The following MAD1L1 variants were observed in gnomAD, a reference collection of about 807,000 sequenced individuals.
MAD1L1 encodes mitotic arrest deficient 1 like 1.
MAD1L1 carries 95 observed loss-of-function variants against 96.9 expected under a neutral mutation model. The observed-to-expected ratio is 0.98, with a 90% confidence interval of 0.83 to 1.16. The LOEUF (loss-of-function observed/expected upper bound fraction) is 1.16, where lower values mean the gene tolerates loss of function less well. Among genes scored for constraint, MAD1L1 ranks in the 50% most tolerant of loss-of-function variants. The probability of loss-of-function intolerance (pLI) is 0.00; values close to 1 mark genes in which losing one functional copy is unlikely to be tolerated. For synonymous variants in MAD1L1, 473 were observed against 396.6 expected, an observed-to-expected ratio of 1.19 and a Z score of -2.29; for missense variants, 1,007 against 954.4, an observed-to-expected ratio of 1.06 and a Z score of -0.73.
intron 16 of MAD1L1, among the ~76,000 whole-genome samples, chr7:1,941,543 C>A (rs939162769): frequency 3.9e-5 from 6 of 152,214 alleles, no homozygotes; most frequent in African/African-American, 1.4e-4. Context: ...GCTGGCCCCG[C>A]TGGGGGCGAA....
At chr7:2,110,063 G>A (rs17132185) in intron 11 of MAD1L1, among the ~76,000 whole-genome samples, 3,024 of 152,354 alleles carry the variant, frequency 0.02, 96 homozygotes, top group African/African-American at 0.068. Flanking sequence ...AGGAGGCTCC[G>A]GCTCAAAGCA....
At chr7:1,874,837 G>C (rs1037331025) in intron 18 of MAD1L1, among the ~76,000 whole-genome samples, 5 of 152,036 alleles carry the variant, frequency 3.3e-5, no homozygotes, top group Non-Finnish European at 7.4e-5. Flanking sequence ...TAGGGAGGAG[G>C]GGAAGGCAGG....
At chr7:2,126,577 G>T (rs762806729) in intron 11 of MAD1L1, among the ~76,000 whole-genome samples, 23 of 152,202 alleles carry the variant, frequency 1.5e-4, no homozygotes, top group Non-Finnish European at 3.1e-4. Flanking sequence ...AATCGACACA[G>T]GCCGATGCCG....
intron 10 of MAD1L1, among the ~76,000 whole-genome samples, chr7:2,168,444 A>C (rs745734808): frequency 1.3e-5 from 2 of 152,220 alleles, no homozygotes; most frequent in Non-Finnish European, 2.9e-5. Flanking sequence ...CAATAAAGGG[A>C]GAGAAAAGGC....
At chr7:2,230,351 C>A in intron 2 of MAD1L1, 198 bp downstream of exon 2, 2 of 492,278 alleles carry the variant, frequency 4.1e-6, no homozygotes, top group Non-Finnish European at 7.4e-6. Flanking sequence ...AAGCATGCCA[C>A]CAAATCCCCA....
intron 10 of MAD1L1, among the ~76,000 whole-genome samples, chr7:2,199,470 G>A (rs575455338): frequency 3.9e-5 from 6 of 152,216 alleles, no homozygotes; most frequent in Admixed American, 1.3e-4. Context: ...CCCTGCACGC[G>A]GCAAACCGCT....
chr7:2,210,354 A>G (rs1357080408), intron 10 of MAD1L1, among the ~76,000 whole-genome samples: 1 of 152,160 alleles, frequency 6.6e-6, no homozygotes, highest in African/African-American at 2.4e-5. Flanking sequence ...TACAGGTGTG[A>G]GCCACTGTGC....
At chr7:1,948,930 G>A (rs1302691859) in intron 16 of MAD1L1, among the ~76,000 whole-genome samples, 1 of 152,208 alleles carries the variant, frequency 6.6e-6, no homozygotes, top group Non-Finnish European at 1.5e-5. Context: ...GCATAGCTCT[G>A]GAGGGAGACC....
rs1242038886 is a variant in MAD1L1 at position 2,217,949 on chromosome 7, G to A, written c.678+13C>T. On this transcript the variant is annotated intron_variant, in intron 7 of 18. Transcript: ENST00000265854. ...CAGGGATGTCCACAAGGCACTGACA[G>A]GGAGTGACTCACCTTAATCTGCTGC... is the stretch of plus-strand genomic sequence containing the variant. 3.7e-6 allele frequency: 6 copies of A among 1,609,044 alleles called. No homozygotes were observed. In the South Asian group the frequency reaches 5.5e-5, roughly 15 times the overall value.
intron 10 of MAD1L1, among the ~76,000 whole-genome samples, chr7:2,172,959 A>G (rs1332053193): frequency 6.6e-6 from 1 of 152,248 alleles, no homozygotes; most frequent in Non-Finnish European, 1.5e-5. Context: ...CCTCTGGCTG[A>G]GACTACAGCA....
At chr7:2,053,710 G>A (rs1159613162) in intron 12 of MAD1L1, among the ~76,000 whole-genome samples, 1 of 152,160 alleles carries the variant, frequency 6.6e-6, no homozygotes, top group Admixed American at 6.5e-5. Flanking sequence ...GCCCCTGGGT[G>A]AAGCCAGGGA....
At chr7:2,158,199 A>G (rs1789932519) in intron 10 of MAD1L1, among the ~76,000 whole-genome samples, 1 of 152,254 alleles carries the variant, frequency 6.6e-6, no homozygotes, top group Non-Finnish European at 1.5e-5. Flanking sequence ...GCAGAGCAGC[A>G]GAGGGCTGTG....
intron 18 of MAD1L1, among the ~76,000 whole-genome samples, chr7:1,887,277 G>A (rs1484120310): frequency 2.6e-5 from 4 of 151,926 alleles, no homozygotes; most frequent in East Asian, 3.9e-4. Context: ...GTGCATGCAT[G>A]TGTGTATGTG....
At chr7:1,951,280 G>A (rs1198140052) in intron 16 of MAD1L1, among the ~76,000 whole-genome samples, 1 of 152,232 alleles carries the variant, frequency 6.6e-6, no homozygotes, top group Non-Finnish European at 1.5e-5. Flanking sequence ...AGGACCAGCT[G>A]GTGGATGAAG....
intron 18 of MAD1L1, chr7:1,848,238 AAGCATCACCACCACCGGCCCC>A (rs1394314084): frequency 5.7e-6 from 1 of 175,194 alleles, no homozygotes; most frequent in East Asian, 1.6e-4. Flanking sequence ...CCCGTGCTGG[AAGCATCACCACCACCGGCCCC>A]AGCAAAGGCT....
intron 14 of MAD1L1, among the ~76,000 whole-genome samples, chr7:1,986,733 C>T (rs1781169253): frequency 6.6e-6 from 1 of 152,180 alleles, no homozygotes; most frequent in African/African-American, 2.4e-5. Flanking sequence ...TTGGTTTTCA[C>T]GCTTCTTGTT....
At position 1,987,047 on chromosome 7, in the gene MAD1L1, G is replaced by A. The variant is rs563346123; in HGVS notation, c.1417-6506C>T. 9.5e-4 allele frequency among the ~76,000 whole-genome samples: 144 copies of A among 152,124 alleles called. 1 individual carries two copies. Among genetic ancestry groups the A allele is most frequent in the Non-Finnish European group, 1.2e-3 (82 of 67,992 alleles). ...GGCCAGACCCATGATCCATGTCTGT[G>A]GGCCACCTTCCACCTACACCCCCCG... On this transcript the variant is annotated intron_variant, in intron 14 of 18. Coordinates refer to ENST00000265854, the MANE Select transcript of MAD1L1 (RefSeq NM_001013836.2).
chr7:1,983,148 GCGCGCGCACA>G (rs1166716008), intron 14 of MAD1L1, among the ~76,000 whole-genome samples: 2,772 of 41,392 alleles, frequency 0.067, 59 homozygotes, highest in African/African-American at 0.078. Flanking sequence ...GCGCGCGCGC[GCGCGCGCACA>G]CACACACACA....
chr7:1,936,857 C>T lies in MAD1L1; in HGVS notation c.1637G>A (p.Ser546Asn). Residue 546 changes from serine (S) to asparagine (N), a missense_variant, in exon 17 of 19, where the codon AGC becomes AAC. By Grantham distance (46) the Ser-to-Asn change is conservative. Coordinates refer to ENST00000265854, the MANE Select transcript of MAD1L1 (RefSeq NM_001013836.2). ...CCTGGCCACACTGGTGGGGTTCAGG[C>T]TCATGTGCAGCACTTTGGTCCTGCT... Reference protein sequence around the residue: ...DQSRTKVLHMSLNPTSVARQR... With the variant: ...DQSRTKVLHMNLNPTSVARQR... The T allele has an allele frequency of 6.2e-7, 1 of 1,606,608 alleles. No homozygotes were observed. Among genetic ancestry groups the T allele is most frequent in the Non-Finnish European group, 8.5e-7 (1 of 1,176,854 alleles).
Sources: allele counts gnomAD v4.1 joint callset (sites outside exome capture counted in the v4.1 genomes callset), GRCh38; gene constraint gnomAD v4.1.1; transcripts MANE v1.5; gene names NCBI Gene and HGNC (gene_info 2026-07-23, HGNC 2026-07-21).